Variants in TENM4 observed in about 807,000 individuals in gnomAD.
TENM4 encodes the protein teneurin transmembrane protein 4, also known as teneurin-4.
A neutral mutation model predicts 243.3 loss-of-function variants in TENM4; 82 were observed. That is an observed-to-expected ratio of 0.34 (90% CI 0.28 to 0.40). The LOEUF is 0.40. TENM4 is among the 10% of genes least tolerant of loss of function. The probability of loss-of-function intolerance (pLI) is 1.00; values close to 1 mark genes in which losing one functional copy is unlikely to be tolerated. For synonymous variants in TENM4, 1,412 were observed against 1,456.3 expected, an observed-to-expected ratio of 0.97 and a Z score of 0.69; for missense variants, 3,138 against 3,673.3, an observed-to-expected ratio of 0.85 and a Z score of 3.77.
At chr11:79,278,512 G>T (rs1302234587) in intron 2 of TENM4, among the ~76,000 whole-genome samples, 1 of 152,200 alleles carries the variant, frequency 6.6e-6, no homozygotes, top group East Asian at 1.9e-4. Flanking sequence ...AGCAGGAGCC[G>T]CTGAGAACCT....
intron 2 of TENM4, among the ~76,000 whole-genome samples, chr11:79,279,799 T>C (rs1209474010): frequency 6.6e-6 from 1 of 152,186 alleles, no homozygotes; most frequent in Admixed American, 6.5e-5. Flanking sequence ...AAATATCCTC[T>C]TGCTATGGTT....
chr11:78,736,349 A>C, intron 20 of TENM4, among the ~76,000 whole-genome samples: 1 of 150,440 alleles, frequency 6.6e-6, no homozygotes, highest in Admixed American at 6.6e-5. Flanking sequence ...CATGGCCTCT[A>C]TTTTCCATTT....
chr11:79,193,889 C>T (rs1482410067), intron 3 of TENM4, among the ~76,000 whole-genome samples: 2 of 152,110 alleles, frequency 1.3e-5, no homozygotes. Context: ...GGGGGCAGCC[C>T]AGCTGCTGAG....
intron 12 of TENM4, among the ~76,000 whole-genome samples, chr11:78,851,118 G>A (rs992964857): frequency 3.3e-5 from 5 of 152,190 alleles, no homozygotes; most frequent in Non-Finnish European, 7.3e-5. Context: ...AAAGTACTAT[G>A]TCTAACCCCT....
intron 6 of TENM4, among the ~76,000 whole-genome samples, chr11:78,925,616 C>T (rs1018007823): frequency 2.0e-5 from 3 of 152,104 alleles, no homozygotes; most frequent in African/African-American, 7.2e-5. Flanking sequence ...TCCTCCATGT[C>T]AGTTTAAAAA....
At chr11:78,917,701 G>A (rs1199351702) in intron 6 of TENM4, among the ~76,000 whole-genome samples, 1 of 152,184 alleles carries the variant, frequency 6.6e-6, no homozygotes, top group African/African-American at 2.4e-5. Flanking sequence ...TGGGCTGCTA[G>A]TTAGTCTGCA....
At chr11:78,981,938 C>A (rs956834056) in intron 6 of TENM4, among the ~76,000 whole-genome samples, 1 of 152,118 alleles carries the variant, frequency 6.6e-6, no homozygotes, top group Non-Finnish European at 1.5e-5. Context: ...TCCCTCTCCA[C>A]CACCATGCAC....
intron 21 of TENM4, among the ~76,000 whole-genome samples, chr11:78,730,535 C>T (rs1023389262): frequency 1.3e-5 from 2 of 152,100 alleles, no homozygotes; most frequent in Admixed American, 6.5e-5. Context: ...AGGCTATGAC[C>T]CGGGGAACGC....
rs868849024 is a variant in TENM4, at chr11:79,438,939, G to C, written c.-321+1570C>G. ...GGCGTATCCTAGCTACCCAGGCCGG[G>C]GTGGGGGCGCCCCGGTACTTACACT... On this transcript the variant is annotated intron_variant, in intron 1 of 33. Transcript: ENST00000278550. The surrounding 1 kb of genome is among the most constrained non-coding windows in gnomAD (Gnocchi z 4.1). 6.6e-6 allele frequency: 1 copy of C among 152,064 alleles called. No homozygotes were observed. Among genetic ancestry groups the C allele is most frequent in the South Asian group, 2.1e-4 (1 of 4,822 alleles). The allele number at this position is 152,064 out of a possible 1,614,324, so 9.4% of individuals were successfully genotyped here.
chr11:78,798,321 C>T (rs1309829586), intron 15 of TENM4, among the ~76,000 whole-genome samples: 1 of 152,186 alleles, frequency 6.6e-6, no homozygotes, highest in African/African-American at 2.4e-5. Flanking sequence ...GATAACAGGG[C>T]TTTTCAGCGC....
intron 4 of TENM4, among the ~76,000 whole-genome samples, chr11:79,132,355 A>AAAAAAAAAAAAAAAAAAAAAAG (rs1862024599): frequency 1.3e-5 from 2 of 149,780 alleles, no homozygotes; most frequent in Admixed American, 6.6e-5. Flanking sequence ...CAAAAAAAAA[A>AAAAAAAAAAAAAAAAAAAAAAG]AAAAAAAGAG....
At chr11:78,755,952 T>C (rs1041878733) in intron 19 of TENM4, among the ~76,000 whole-genome samples, 1 of 152,258 alleles carries the variant, frequency 6.6e-6, no homozygotes, top group South Asian at 2.1e-4. Context: ...TTGGAAGACA[T>C]TCAAAAGAAA....
At chr11:78,670,787 T>C (rs1335170546) in intron 31 of TENM4, among the ~76,000 whole-genome samples, 1 of 152,200 alleles carries the variant, frequency 6.6e-6, no homozygotes, top group East Asian at 1.9e-4. Context: ...AGCACAGCTT[T>C]AACCTTAGCA....
In TENM4 at chr11:79,044,538, C is replaced by T. The variant is rs147630703; in HGVS notation, c.493+20200G>A. Among the ~76,000 whole-genome samples the T allele has an allele frequency of 1.3e-4, 20 of 152,332 alleles. No individual in the cohort carries two copies. The East Asian group carries it at 3.7e-3, about 28-fold the overall frequency. ...ATATGTCAGTAATACATGGTTTCTGCAACCTCTAGCTGTGCTATGCTTCAG... is the reference window on the plus strand; with the variant it reads ...ATATGTCAGTAATACATGGTTTCTGTAACCTCTAGCTGTGCTATGCTTCAG... On this transcript the variant is annotated intron_variant, in intron 6 of 33. Coordinates refer to ENST00000278550, the MANE Select transcript of TENM4 (RefSeq NM_001098816.3).
chr11:78,959,360 A>C (rs1313028470), intron 6 of TENM4, among the ~76,000 whole-genome samples: 2 of 152,218 alleles, frequency 1.3e-5, no homozygotes, highest in African/African-American at 4.8e-5. Context: ...CCATGAAAAA[A>C]ATCAAATTAA....
At chr11:79,046,800 G>A (rs1342857966) in intron 6 of TENM4, among the ~76,000 whole-genome samples, 3 of 152,106 alleles carry the variant, frequency 2.0e-5, no homozygotes, top group African/African-American at 2.4e-5. Flanking sequence ...CCAGAACCAC[G>A]AGACAATGAA....
chr11:78,973,852 G>A (rs1481271775), intron 6 of TENM4, among the ~76,000 whole-genome samples: 1 of 151,806 alleles, frequency 6.6e-6, no homozygotes, highest in African/African-American at 2.4e-5. Context: ...CATGGTCAGG[G>A]AAGCCCTCCC....
chr11:78,745,747 C>G, intron 19 of TENM4, among the ~76,000 whole-genome samples: 1 of 152,212 alleles, frequency 6.6e-6, no homozygotes, highest in East Asian at 1.9e-4. Flanking sequence ...TCATGGCCCA[C>G]CTTCGGTATC....
intron 9 of TENM4, 65 bp downstream of exon 9, chr11:78,889,720 G>A (rs763150178): frequency 4.0e-5 from 60 of 1,493,978 alleles, no homozygotes; most frequent in African/African-American, 5.6e-5. Context: ...GTGCCCACAC[G>A]TGTCTTGGTT....
Sources: gnomAD v4.1 joint callset for allele counts (sites outside exome capture counted in the v4.1 genomes callset) on GRCh38, gnomAD v4.1.1 for gene constraint, Gnocchi (gnomAD v3.1) non-coding constraint, MANE v1.5 for transcripts, NCBI Gene and HGNC (gene_info 2026-07-23, HGNC 2026-07-21) for gene names.